The following METTL16 variants were observed in gnomAD, a reference collection of about 807,000 sequenced individuals.
The protein encoded by METTL16 is RNA N(6)-adenosine-methyltransferase METTL16.
METTL16 carries 19 observed loss-of-function variants against 57.9 expected under a neutral mutation model. The observed-to-expected ratio is 0.33, with a 90% confidence interval of 0.23 to 0.48. METTL16 has a LOEUF of 0.48. METTL16 is among the 20% of genes least tolerant of loss of function. The pLI is 0.99. For synonymous variants in METTL16, 246 were observed against 255.6 expected, an observed-to-expected ratio of 0.96 and a Z score of 0.36; for missense variants, 434 against 691.5, an observed-to-expected ratio of 0.63 and a Z score of 4.18.
chr17:2,510,431 C>T (rs1278484747), intron 1 of METTL16, among the ~76,000 whole-genome samples: 1 of 152,172 alleles, frequency 6.6e-6, no homozygotes, highest in Non-Finnish European at 1.5e-5. Context: ...ATTCTACAGA[C>T]TACATAGCTG....
In METTL16 at chr17:2,420,940, G is replaced by T. The variant is rs1178837230; in HGVS notation, c.889-36C>A. 6.3e-7 allele frequency: 1 copy of T among 1,598,540 alleles called. No homozygotes were observed. The highest frequency in any genetic ancestry group is 1.1e-5 in the South Asian group (1 of 88,886). On this transcript the variant is annotated intron_variant, in intron 8 of 9. Coordinates refer to ENST00000263092, the MANE Select transcript of METTL16 (RefSeq NM_024086.4). This position sits in a 1 kb window ranked among gnomAD's most constrained non-coding sequence, Gnocchi z 5.4. Reference sequence around the variant, plus strand: ...AAGGAAGCATAGAAAAGAGAAGAAAGTTATCCGAATAATTAAACCTCATGC... The same window carrying T: ...AAGGAAGCATAGAAAAGAGAAGAAATTTATCCGAATAATTAAACCTCATGC...
Position 2,455,167 on chromosome 17 carries a change from C to A in METTL16, c.728+9041G>T, listed in dbSNP as rs748942112. 81 of 169,902 alleles carry A rather than the reference C, an allele frequency of 4.8e-4. 1 individual carries two copies. Among genetic ancestry groups the A allele is most frequent in the Middle Eastern group, 5.5e-3 (2 of 364 alleles). 10.5% of individuals were successfully genotyped at this position (169,902 alleles called of 1,614,324 possible). A position where few individuals can be genotyped will look rare whatever the true frequency, so the allele number is the denominator to read the frequency against. ...GCAATGGCGTTATCTTGGCTCACTG[C>A]AACCTCCGCCTCCCAGGTTCAAGCG... On this transcript the variant is annotated intron_variant, in intron 6 of 9. Transcript: ENST00000263092.
intron 1 of METTL16, among the ~76,000 whole-genome samples, chr17:2,506,991 GAGGAGCCCCTCCGCCCGGCAGCCA>G (rs1303283908): frequency 1.7e-5 from 2 of 119,756 alleles, no homozygotes; most frequent in Non-Finnish European, 3.6e-5. Flanking sequence ...TCGGAGAAGT[GAGGAGCCCCTCCGCCCGGCAGCCA>G]CCCCGTCTGG....
At chr17:2,486,540 G>C (rs1163375852) in intron 2 of METTL16, among the ~76,000 whole-genome samples, 2 of 151,944 alleles carry the variant, frequency 1.3e-5, no homozygotes, top group Non-Finnish European at 2.9e-5. Flanking sequence ...CAAAGTGCTG[G>C]GATTACAGGT....
At chr17:2,464,632 T>C (rs996798612) in intron 5 of METTL16, among the ~76,000 whole-genome samples, 1 of 152,210 alleles carries the variant, frequency 6.6e-6, no homozygotes, top group Non-Finnish European at 1.5e-5. Flanking sequence ...CTTTATGCTT[T>C]CTTTCTCCTG....
At chr17:2,444,916 A>G (rs1300989155) in intron 6 of METTL16, among the ~76,000 whole-genome samples, 1 of 151,944 alleles carries the variant, frequency 6.6e-6, no homozygotes, top group African/African-American at 2.4e-5. Flanking sequence ...GGGTTTCACC[A>G]TGTTGGCCAG....
At chr17:2,445,673 C>T (rs956231243) in intron 6 of METTL16, among the ~76,000 whole-genome samples, 2 of 151,828 alleles carry the variant, frequency 1.3e-5, no homozygotes, top group African/African-American at 4.8e-5. Context: ...GTAATCCTAG[C>T]TACTCAGGAG....
chr17:2,507,277 G>C (rs1567909623), intron 1 of METTL16, among the ~76,000 whole-genome samples: 1 of 146,774 alleles, frequency 6.8e-6, no homozygotes, highest in Non-Finnish European at 1.5e-5. Flanking sequence ...CCTCTACTGG[G>C]AAGAGAGGAG....
At chr17:2,433,659 G>A (rs1466806694) in intron 8 of METTL16, among the ~76,000 whole-genome samples, 1 of 152,122 alleles carries the variant, frequency 6.6e-6, no homozygotes, top group Admixed American at 6.5e-5. Flanking sequence ...GCTGTCAGGT[G>A]GAAATAAAAT....
chr17:2,485,130 C>CG (rs2067331956), intron 2 of METTL16, among the ~76,000 whole-genome samples: 1 of 152,120 alleles, frequency 6.6e-6, no homozygotes, highest in African/African-American at 2.4e-5. Context: ...GCCTCAGCTC[C>CG]GCCTCCTGTC....
chr17:2,496,380 C>A (rs538274980), intron 2 of METTL16, among the ~76,000 whole-genome samples: 11 of 151,586 alleles, frequency 7.3e-5, no homozygotes, highest in Admixed American at 2.0e-4. Context: ...TTCACTGCAG[C>A]CTTGAACTCC....
At chr17:2,457,592 C>G (rs1486066598) in intron 6 of METTL16, among the ~76,000 whole-genome samples, 3 of 151,032 alleles carry the variant, frequency 2.0e-5, no homozygotes. Flanking sequence ...CCTTTAATCC[C>G]AGCTACTTGG....
At position 2,420,250 on chromosome 17, in the gene METTL16, T is replaced by TCCTC; in HGVS notation, c.1405_1408dup (p.Glu470GlyfsTer16). ...TTCCAAAACCTCCACCCCTCCCTTT[T>TCCTC]CCTCACTCCTTTCATCCTCCGTGGG... On this transcript the variant is annotated frameshift_variant, in exon 10 of 10. Transcript: ENST00000263092. LOFTEE classifies it high-confidence loss of function. This position sits in a 1 kb window ranked among gnomAD's most constrained non-coding sequence, Gnocchi z 5.4. The TCCTC allele has an allele frequency of 6.2e-7, 1 of 1,614,144 alleles. No homozygotes were observed. The highest frequency in any genetic ancestry group is 8.5e-7 in the Non-Finnish European group (1 of 1,180,032).
At chr17:2,490,531 T>C (rs2067380142) in intron 2 of METTL16, among the ~76,000 whole-genome samples, 1 of 152,234 alleles carries the variant, frequency 6.6e-6, no homozygotes, top group Non-Finnish European at 1.5e-5. Flanking sequence ...TGACTTTTTG[T>C]ATGTATGTGA....
chr17:2,448,606 CG>C (rs2067035473), intron 6 of METTL16, among the ~76,000 whole-genome samples: 1 of 86,994 alleles, frequency 1.1e-5, no homozygotes, highest in East Asian at 2.9e-4. Flanking sequence ...ACAAACACTG[CG>C]GAAGGCCGCA....
chr17:2,425,162 GC>G (rs1055017991), intron 8 of METTL16, among the ~76,000 whole-genome samples: 25 of 152,098 alleles, frequency 1.6e-4, no homozygotes, highest in African/African-American at 5.3e-4. Flanking sequence ...CTGGTCGTAG[GC>G]AATTTTTACA....
At chr17:2,480,185 C>CA (rs953770502) in intron 2 of METTL16, among the ~76,000 whole-genome samples, 2,441 of 61,414 alleles carry the variant, frequency 0.04, 68 homozygotes, top group African/African-American at 0.094. Context: ...GACTCTGTCT[C>CA]AAAAAAAAAA....
chr17:2,422,322 T>A (rs1304698699), intron 8 of METTL16, among the ~76,000 whole-genome samples: 6 of 134,228 alleles, frequency 4.5e-5, no homozygotes, highest in Admixed American at 2.9e-4. Flanking sequence ...GCAACAAGAG[T>A]GAAACTCCGT....
intron 6 of METTL16, among the ~76,000 whole-genome samples, chr17:2,442,496 A>G (rs997176437): frequency 4.7e-5 from 6 of 127,940 alleles, no homozygotes; most frequent in African/African-American, 8.5e-5. Context: ...AGAAGAAAGG[A>G]AAAAAAAAAA....
Sources: allele counts gnomAD v4.1 joint callset (sites outside exome capture counted in the v4.1 genomes callset), GRCh38; gene constraint gnomAD v4.1.1; non-coding constraint Gnocchi (gnomAD v3.1); transcripts MANE v1.5; gene names NCBI Gene and HGNC (gene_info 2026-07-23, HGNC 2026-07-21).